Variants in PIAS2 observed in about 807,000 individuals in gnomAD.
PIAS2 encodes the protein protein inhibitor of activated STAT 2.
In PIAS2, 19 loss-of-function variants were observed where a neutral mutation model predicts 69.7. The ratio of observed to expected loss-of-function variants is 0.27; its 90% CI spans 0.19 to 0.40. The LOEUF (loss-of-function observed/expected upper bound fraction) is 0.40, where lower values mean the gene tolerates loss of function less well. Among genes scored for constraint, PIAS2 ranks in the 10% least tolerant of loss-of-function variants. The pLI, the probability that PIAS2 is intolerant of heterozygous loss-of-function variation, is 1.00. For missense variants in PIAS2, 624 were observed against 757.0 expected (o/e 0.82, Z 2.06); for synonymous variants, 261 against 263.2 (o/e 0.99, Z 0.08).
chr18:46,881,164 T>C (rs1310852728), intron 2 of PIAS2, among the ~76,000 whole-genome samples: 3 of 152,096 alleles, frequency 2.0e-5, no homozygotes, highest in South Asian at 2.1e-4. Context: ...TTAGTCCACC[T>C]TATTACTTTC....
Position 46,817,029 on chromosome 18 carries a change from A to G in PIAS2, c.1649-1680T>C, listed in dbSNP as rs187591316. 2.8e-5 allele frequency: 26 copies of G among 937,406 alleles called. 1 individual carries two copies. The highest frequency in any genetic ancestry group is 1.1e-3 in the Middle Eastern group (2 of 1,794). 58.1% of individuals were successfully genotyped at this position (937,406 alleles called of 1,614,324 possible). On this transcript the variant is annotated intron_variant, in intron 12 of 13. Transcript: ENST00000585916. Reference sequence around the variant, plus strand: ...GTTTTGCATTTTCAATATTTCTATTATTAAGTAAAAAAAGTTTATTGGAAC... The same window carrying G: ...GTTTTGCATTTTCAATATTTCTATTGTTAAGTAAAAAAAGTTTATTGGAAC...
intron 11 of PIAS2, chr18:46,826,637 A>G (rs896233408): frequency 1.3e-5 from 2 of 152,222 alleles, no homozygotes; most frequent in Non-Finnish European, 2.9e-5. Context: ...TTTAAATTAC[A>G]GATGTACCAA....
In PIAS2 at chr18:46,804,713, T is replaced by C. The variant is rs1053488403; in HGVS notation, c.*7720A>G. The C allele has an allele frequency of 6.6e-6, 1 of 152,224 alleles. No individual in the cohort carries two copies. Among genetic ancestry groups the C allele is most frequent in the Non-Finnish European group, 1.5e-5 (1 of 68,038 alleles). 9.4% of individuals were successfully genotyped at this position (152,224 alleles called of 1,614,324 possible). On this transcript the variant is annotated 3_prime_UTR_variant, in exon 14 of 14. Transcript: ENST00000585916. ...ATTTACATGCTCTTGTAGCACCCTATACTTTGTCTTTTACCATTAACATTG... is the reference window on the plus strand; with the variant it reads ...ATTTACATGCTCTTGTAGCACCCTACACTTTGTCTTTTACCATTAACATTG...
chr18:46,815,176 T>G (rs918389999), intron 13 of PIAS2, 136 bp downstream of exon 13: 2 of 642,330 alleles, frequency 3.1e-6, no homozygotes, highest in Non-Finnish European at 5.4e-6. Flanking sequence ...GTGAAATATT[T>G]GCACAGTACT....
intron 2 of PIAS2, 86 bp from the exon 3 acceptor site, chr18:46,864,334 A>C (rs2049101291): frequency 1.2e-6 from 1 of 804,814 alleles, no homozygotes; most frequent in Admixed American, 2.9e-5. Flanking sequence ...ATTTTTTATA[A>C]AGTACCTGCC....
At chr18:46,825,009 A>T (rs115785872) in intron 11 of PIAS2, among the ~76,000 whole-genome samples, 8,153 of 141,786 alleles carry the variant, frequency 0.058, 271 homozygotes, top group Non-Finnish European at 0.083. Context: ...CAAAAAATTA[A>T]AAAAAAAAAA....
chr18:46,817,244 C>G, intron 12 of PIAS2: 1 of 983,114 alleles, frequency 1.0e-6, no homozygotes, highest in Non-Finnish European at 1.2e-6. Context: ...CTTTTTATAA[C>G]GCTAAGTATT....
At chr18:46,912,594 G>C (rs1296719100) in intron 1 of PIAS2, among the ~76,000 whole-genome samples, 1 of 152,030 alleles carries the variant, frequency 6.6e-6, no homozygotes, top group Non-Finnish European at 1.5e-5. Flanking sequence ...AGCAAAATTA[G>C]GAACCAAAAT....
intron 11 of PIAS2, among the ~76,000 whole-genome samples, chr18:46,821,382 A>G (rs1431755664): frequency 1.3e-5 from 2 of 152,182 alleles, no homozygotes; most frequent in East Asian, 3.8e-4. Flanking sequence ...TTTTATTAAT[A>G]TGTATGTAAT....
Position 46,844,948 on chromosome 18 carries a change from T to A in PIAS2, c.862-109A>T, listed in dbSNP as rs545295796. The A allele has an allele frequency of 3.3e-4, 153 of 469,648 alleles. 2 individuals carry two copies. The South Asian group carries it at 7.4e-3, about 23-fold the overall frequency. 29.1% of individuals were successfully genotyped at this position (469,648 alleles called of 1,614,324 possible). ...TGGTTTCTAAAAATAACATTCAAAATAACTTCCATGGAATGGTCAATCACT... is the reference window on the plus strand; with the variant it reads ...TGGTTTCTAAAAATAACATTCAAAAAAACTTCCATGGAATGGTCAATCACT... On this transcript the variant is annotated intron_variant, in intron 6 of 13. Transcript: ENST00000585916.
intron 8 of PIAS2, among the ~76,000 whole-genome samples, chr18:46,838,295 C>A (rs957399287): frequency 3.9e-5 from 6 of 152,192 alleles, no homozygotes. Flanking sequence ...TTCACAATTA[C>A]ATAACAATTA....
chr18:46,856,909 T>A (rs1399048369), intron 3 of PIAS2, among the ~76,000 whole-genome samples: 1 of 152,208 alleles, frequency 6.6e-6, no homozygotes, highest in Non-Finnish European at 1.5e-5. Flanking sequence ...ACAACCACCT[T>A]AAGTTCTACA....
In PIAS2 at chr18:46,803,979, C is replaced by G. The variant is rs1568305051; in HGVS notation, c.*8454G>C. On this transcript the variant is annotated 3_prime_UTR_variant, in exon 14 of 14. Transcript: ENST00000585916. ...TTTCAACACCTCAGCATCCATCTCC[C>G]GTACCACCTACCCTAAACATGCACC... 1 of 152,218 alleles carries G rather than the reference C, an allele frequency of 6.6e-6. No homozygotes were observed. Among genetic ancestry groups the G allele is most frequent in the Admixed American group, 6.5e-5 (1 of 15,292 alleles). 9.4% of individuals were successfully genotyped at this position (152,218 alleles called of 1,614,324 possible). A position where few individuals can be genotyped will look rare whatever the true frequency, so the allele number is the denominator to read the frequency against.
rs1306549267 is a variant in PIAS2 at position 46,848,003 on chromosome 18, A to G, written c.727-1162T>C. Among the ~76,000 whole-genome samples, 3 of 152,218 alleles carry G rather than the reference A, an allele frequency of 2.0e-5. No homozygotes were observed. In the East Asian group the frequency reaches 5.8e-4, roughly 29 times the overall value. ...GTAATTTAATTATGTACTATTGAGA[A>G]AGAGAAAATACTATGTATATATGGC... On this transcript the variant is annotated intron_variant, in intron 5 of 13. Transcript: ENST00000585916.
intron 9 of PIAS2, among the ~76,000 whole-genome samples, chr18:46,834,969 G>A (rs1023570794): frequency 6.6e-6 from 1 of 152,062 alleles, no homozygotes; most frequent in Non-Finnish European, 1.5e-5. Context: ...CTATTTCTAA[G>A]AACTTGAAGA....
Position 46,812,341 on chromosome 18 carries a change from T to TTAA in PIAS2, c.*91_*92insTTA. 1 of 575,924 alleles carries TTAA rather than the reference T, an allele frequency of 1.7e-6. No homozygotes were observed. 35.7% of individuals were successfully genotyped at this position (575,924 alleles called of 1,614,324 possible). ...TGACTTTCAATAAATACCAAATTAT[T>TTAA]AAAAAAAAAAAAAAAAGAACGTTTC... On this transcript the variant is annotated 3_prime_UTR_variant, in exon 14 of 14. Coordinates refer to ENST00000585916, the MANE Select transcript of PIAS2 (RefSeq NM_004671.5).
At chr18:46,818,296 CAAT>C (rs753609813) in intron 12 of PIAS2, 70 of 1,380,172 alleles carry the variant, frequency 5.1e-5, no homozygotes, top group Non-Finnish European at 6.0e-5. Flanking sequence ...ATGGCACTAG[CAAT>C]AATAAGGCAG....
intron 1 of PIAS2, among the ~76,000 whole-genome samples, chr18:46,905,389 A>G (rs2056464446): frequency 6.6e-6 from 1 of 152,168 alleles, no homozygotes; most frequent in Non-Finnish European, 1.5e-5. Flanking sequence ...TTAAATAACT[A>G]TGTTAAAATG....
chr18:46,893,319 T>C (rs2054345957), intron 1 of PIAS2: 1 of 203,426 alleles, frequency 4.9e-6, no homozygotes, highest in Non-Finnish European at 8.7e-6. Flanking sequence ...TGATTTTTTC[T>C]AACTCAGAAT....
Sources: gnomAD v4.1 joint callset for allele counts (sites outside exome capture counted in the v4.1 genomes callset) on GRCh38, gnomAD v4.1.1 for gene constraint, MANE v1.5 for transcripts, NCBI Gene and HGNC (gene_info 2026-07-23, HGNC 2026-07-21) for gene names.